CHRNA7: variants seen among roughly 807,000 people sequenced by gnomAD.
The protein encoded by CHRNA7 is neuronal acetylcholine receptor subunit alpha-7.
A neutral mutation model predicts 48.0 loss-of-function variants in CHRNA7; 17 were observed. The ratio of observed to expected loss-of-function variants is 0.35; its 90% CI spans 0.24 to 0.53. The LOEUF (loss-of-function observed/expected upper bound fraction) is 0.53, where lower values mean the gene tolerates loss of function less well. CHRNA7 is among the 20% of genes least tolerant of loss of function. The probability of loss-of-function intolerance (pLI) is 0.92; values close to 1 mark genes in which losing one functional copy is unlikely to be tolerated. For synonymous variants in CHRNA7, 75 were observed against 242.3 expected (o/e 0.31, Z 6.41); for missense variants, 155 against 577.7 (o/e 0.27, Z 7.50).
At position 32,154,800 on chromosome 15, in the gene CHRNA7, AC is replaced by A. The variant is rs1023794055; in HGVS notation, c.430+815del. On this transcript the variant is annotated intron_variant, in intron 5 of 9. Transcript: ENST00000306901. ...CCACTCACACATACGACTCACACAC[AC>A]ACCACTCACAACCACTCACACACAG... Among the ~76,000 whole-genome samples the A allele has an allele frequency of 3.6e-5, 5 of 140,248 alleles. No individual in the cohort carries two copies. In the South Asian group the frequency reaches 9.2e-4, roughly 26 times the overall value. The allele number at this position is 140,248 out of a possible 152,430, so 92.0% of individuals were successfully genotyped here.
intron 2 of CHRNA7, among the ~76,000 whole-genome samples, chr15:32,035,344 A>G (rs1450173940): frequency 1.3e-5 from 2 of 152,254 alleles, no homozygotes; most frequent in Non-Finnish European, 2.9e-5. Context: ...ATAAATATGC[A>G]TTGGTTATGA....
At chr15:32,049,969 T>C (rs2049634856) in intron 2 of CHRNA7, among the ~76,000 whole-genome samples, 1 of 152,212 alleles carries the variant, frequency 6.6e-6, no homozygotes, top group Admixed American at 6.5e-5. Context: ...TGTTGAATAT[T>C]GGCCCCCACT....
intron 4 of CHRNA7, among the ~76,000 whole-genome samples, chr15:32,134,099 C>T (rs967777420): frequency 2.0e-5 from 3 of 151,868 alleles, no homozygotes; most frequent in South Asian, 4.1e-4. Context: ...TTCTCTCCTG[C>T]GTCCTCCTCC....
chr15:32,087,686 A>T (rs1450097274), intron 2 of CHRNA7, among the ~76,000 whole-genome samples: 1 of 152,226 alleles, frequency 6.6e-6, no homozygotes, highest in Non-Finnish European at 1.5e-5. Context: ...TACACATGGC[A>T]TCCATTTACT....
At chr15:32,143,323 G>A (rs947713177) in intron 4 of CHRNA7, among the ~76,000 whole-genome samples, 1 of 152,152 alleles carries the variant, frequency 6.6e-6, no homozygotes, top group Non-Finnish European at 1.5e-5. Context: ...CATTTGCCGA[G>A]GAGTGTTTTA....
chr15:32,068,219 G>T (rs554137233), intron 2 of CHRNA7, among the ~76,000 whole-genome samples: 1 of 152,244 alleles, frequency 6.6e-6, no homozygotes, highest in East Asian at 1.9e-4. Context: ...GGTTGAGGTG[G>T]GAGGATTGCT....
At chr15:32,142,624 A>T (rs374477263) in intron 4 of CHRNA7, among the ~76,000 whole-genome samples, 1 of 152,174 alleles carries the variant, frequency 6.6e-6, no homozygotes, top group African/African-American at 2.4e-5. Flanking sequence ...CAGAGATTCA[A>T]CTTCTTCCTA....
At chr15:32,074,862 T>C (rs1566820973) in intron 2 of CHRNA7, among the ~76,000 whole-genome samples, 2 of 152,158 alleles carry the variant, frequency 1.3e-5, no homozygotes, top group East Asian at 3.9e-4. Context: ...TCGGCCAGCC[T>C]AGTCTTGAAC....
intron 2 of CHRNA7, among the ~76,000 whole-genome samples, chr15:32,054,469 A>G (rs2049749900): frequency 6.6e-6 from 1 of 152,174 alleles, no homozygotes; most frequent in Admixed American, 6.5e-5. Flanking sequence ...TTTAAATTGT[A>G]GTAGAGTAGA....
intron 2 of CHRNA7, among the ~76,000 whole-genome samples, chr15:32,048,121 T>C (rs2049589211): frequency 6.6e-6 from 1 of 152,204 alleles, no homozygotes; most frequent in Non-Finnish European, 1.5e-5. Flanking sequence ...GGGATATTGG[T>C]CTAAAATTCT....
rs181013077 is a variant in CHRNA7 at position 32,140,115 on chromosome 15, C to T, written c.351-13792C>T. Reference sequence around the variant, plus strand: ...AGGCCCCGGTGTGTGATGTTCCCTGCCCTGTGTCCATGTGTTCTCATTGTT... The same window carrying T: ...AGGCCCCGGTGTGTGATGTTCCCTGTCCTGTGTCCATGTGTTCTCATTGTT... On this transcript the variant is annotated intron_variant, in intron 4 of 9. Transcript: ENST00000306901. 3.9e-3 allele frequency among the ~76,000 whole-genome samples: 580 copies of T among 147,574 alleles called. 5 individuals carry two copies. Among genetic ancestry groups the T allele is most frequent in the African/African-American group, 0.014 (541 of 39,984 alleles).
At chr15:32,166,594 A>G (rs1436636198) in intron 9 of CHRNA7, 2 of 152,054 alleles carry the variant, frequency 1.3e-5, no homozygotes, top group Non-Finnish European at 2.9e-5. Flanking sequence ...CTATCTGTAT[A>G]TTTATTTCCT....
intron 2 of CHRNA7, among the ~76,000 whole-genome samples, chr15:32,031,815 C>T (rs1296285764): frequency 6.6e-6 from 1 of 152,218 alleles, no homozygotes; most frequent in African/African-American, 2.4e-5. Context: ...ACAAATACTT[C>T]ACACAAGTGT....
intron 2 of CHRNA7, among the ~76,000 whole-genome samples, chr15:32,055,180 A>G (rs1357274584): frequency 6.6e-6 from 1 of 151,454 alleles, no homozygotes; most frequent in African/African-American, 2.4e-5. Flanking sequence ...CCATTTTGAT[A>G]TATTATTTTG....
chr15:32,030,549 G>A lies in CHRNA7; in HGVS notation c.-46G>A. ...GCCGCAGGCGCAGGCCCGGGCGACA[G>A]CCGAGACGTGGAGCGCGCCGGCTCG... On this transcript the variant is annotated 5_prime_UTR_variant, in exon 1 of 10. Transcript: ENST00000306901. 6 of 1,442,082 alleles carry A rather than the reference G, an allele frequency of 4.2e-6. No homozygotes were observed. Among genetic ancestry groups the A allele is most frequent in the Middle Eastern group, 2.4e-4 (1 of 4,106 alleles). The allele number at this position is 1,442,082 out of a possible 1,614,324, so 89.3% of individuals were successfully genotyped here. A position where few individuals can be genotyped will look rare whatever the true frequency, so the allele number is the denominator to read the frequency against.
At chr15:32,066,693 G>T (rs904666584) in intron 2 of CHRNA7, among the ~76,000 whole-genome samples, 1 of 152,152 alleles carries the variant, frequency 6.6e-6, no homozygotes, top group Non-Finnish European at 1.5e-5. Flanking sequence ...GAGTCAATAG[G>T]AATTGTCCTA....
At chr15:32,046,584 A>G (rs78184570) in intron 2 of CHRNA7, among the ~76,000 whole-genome samples, 85,761 of 151,710 alleles carry the variant, frequency 0.57, 28,190 homozygotes, top group Non-Finnish European at 0.73. Flanking sequence ...TTGTCAGATG[A>G]GTAGGTCGCG....
Position 32,120,094 on chromosome 15 carries a change from T to C in CHRNA7, c.350+8195T>C, listed in dbSNP as rs918420103. Among the ~76,000 whole-genome samples, 3 of 152,286 alleles carry C rather than the reference T, an allele frequency of 2.0e-5. No homozygotes were observed. In the South Asian group the frequency reaches 6.2e-4, roughly 32 times the overall value. On this transcript the variant is annotated intron_variant, in intron 4 of 9. Coordinates refer to ENST00000306901, the MANE Select transcript of CHRNA7 (RefSeq NM_000746.6). The stretch of plus-strand genomic sequence containing the variant: ...AGGAAATTGTGGCTTTATGCCTTCT[T>C]TCTGGACTTTATGAAGTCTGTTTGA...
At chr15:32,129,354 T>C (rs2051118862) in intron 4 of CHRNA7, among the ~76,000 whole-genome samples, 1 of 151,954 alleles carries the variant, frequency 6.6e-6, no homozygotes, top group South Asian at 2.1e-4. Context: ...AAATGTTTGT[T>C]AAAATTCCCC....
Sources: allele counts gnomAD v4.1 joint callset (sites outside exome capture counted in the v4.1 genomes callset), GRCh38; gene constraint gnomAD v4.1.1; transcripts MANE v1.5; gene names NCBI Gene and HGNC (gene_info 2026-07-23, HGNC 2026-07-21).